Variants in CRYBA4 observed in about 807,000 individuals in gnomAD.
CRYBA4 encodes the protein crystallin beta A4.
CRYBA4 carries 30 observed loss-of-function variants against 31.7 expected under a neutral mutation model. The observed-to-expected ratio is 0.95, with a 90% confidence interval of 0.71 to 1.28. The LOEUF is 1.28. CRYBA4 is among the 50% of genes most tolerant of loss of function. CRYBA4 has a pLI of 0.00. For missense variants in CRYBA4, 225 were observed against 260.7 expected, an observed-to-expected ratio of 0.86 and a Z score of 0.94; for synonymous variants, 102 against 102.3, an observed-to-expected ratio of 1.00 and a Z score of 0.02.
the CRYBA4 span, among the ~76,000 whole-genome samples, chr22:26,607,224 T>C: frequency 6.6e-6 from 1 of 151,872 alleles, no homozygotes; most frequent in Non-Finnish European, 1.5e-5. Flanking sequence ...GGTTTCGTCA[T>C]GTTGATCAGG....
At chr22:26,628,593 A>G (rs909439313) in intron 5 of CRYBA4, among the ~76,000 whole-genome samples, 163 bp downstream of exon 5, 5 of 152,132 alleles carry the variant, frequency 3.3e-5, no homozygotes, top group African/African-American at 1.2e-4. Flanking sequence ...TGAGGGACTG[A>G]AACCCAGATC....
upstream of CRYBA4, among the ~76,000 whole-genome samples, chr22:26,618,504 G>A (rs1194394033): frequency 6.7e-6 from 1 of 148,196 alleles, no homozygotes; most frequent in Non-Finnish European, 1.5e-5. Flanking sequence ...GCACAGAAGC[G>A]TTTTGTAAAG....
intron 4 of CRYBA4, among the ~76,000 whole-genome samples, chr22:26,626,744 AT>A (rs1478580392): frequency 6.6e-6 from 1 of 152,196 alleles, no homozygotes; most frequent in Non-Finnish European, 1.5e-5. Flanking sequence ...ATTTTGGAGC[AT>A]TTTGGATTTC....
chr22:26,625,731 T>C, intron 4 of CRYBA4, 109 bp downstream of exon 4: 1 of 1,098,188 alleles, frequency 9.1e-7, no homozygotes, highest in Non-Finnish European at 1.3e-6. Context: ...TCAAGCTGTG[T>C]GACAAGGGCT....
chr22:26,599,095 G>C, the CRYBA4 span, among the ~76,000 whole-genome samples: 1 of 152,116 alleles, frequency 6.6e-6, no homozygotes, highest in Non-Finnish European at 1.5e-5. Flanking sequence ...AAACCAACCT[G>C]CCTCCTCTGA....
At chr22:26,622,148 C>T (rs1294329253) in intron 1 of CRYBA4, among the ~76,000 whole-genome samples, 162 bp downstream of exon 1, 1 of 152,106 alleles carries the variant, frequency 6.6e-6, no homozygotes, top group Non-Finnish European at 1.5e-5. Context: ...CCAGCACCTG[C>T]TTCCCTCATT....
chr22:26,627,942 C>T (rs958570201), intron 4 of CRYBA4, among the ~76,000 whole-genome samples: 2 of 152,148 alleles, frequency 1.3e-5, no homozygotes, highest in African/African-American at 2.4e-5. Context: ...GCCACCGCGC[C>T]GGGCCTCTAC....
At chr22:26,624,757 T>C (rs1438067970) in intron 3 of CRYBA4, among the ~76,000 whole-genome samples, 1 of 152,202 alleles carries the variant, frequency 6.6e-6, no homozygotes, top group Non-Finnish European at 1.5e-5. Context: ...CCTGTGTCCC[T>C]TGTCCTACTG....
chr22:26,629,289 CT>C (rs1052935023), intron 5 of CRYBA4, among the ~76,000 whole-genome samples: 5 of 144,098 alleles, frequency 3.5e-5, no homozygotes, highest in Non-Finnish European at 7.6e-5. Flanking sequence ...TTTTTTTTTT[CT>C]TTTTTTGGCT....
At chr22:26,622,279 G>A (rs1929554207) in intron 1 of CRYBA4, among the ~76,000 whole-genome samples, 1 of 152,084 alleles carries the variant, frequency 6.6e-6, no homozygotes, top group Non-Finnish European at 1.5e-5. Flanking sequence ...ACTCGCTGGG[G>A]TGATGCACCC....
the CRYBA4 span, among the ~76,000 whole-genome samples, chr22:26,593,019 G>A: frequency 6.6e-6 from 1 of 152,136 alleles, no homozygotes; most frequent in Non-Finnish European, 1.5e-5. Flanking sequence ...CTTGAGGAAG[G>A]CTAATTGCCC....
At chr22:26,615,344 T>G in the CRYBA4 span, among the ~76,000 whole-genome samples, 4 of 152,164 alleles carry the variant, frequency 2.6e-5, no homozygotes, top group Non-Finnish European at 5.9e-5. Context: ...GGTTCCCTGC[T>G]GCTAAGCCAG....
At chr22:26,596,782 A>G in the CRYBA4 span, 6 of 152,232 alleles carry the variant, frequency 3.9e-5, no homozygotes, top group African/African-American at 7.2e-5. Flanking sequence ...CTTTGGAATC[A>G]GAGAATCACA....
At chr22:26,595,219 C>T in the CRYBA4 span, among the ~76,000 whole-genome samples, 17 of 152,230 alleles carry the variant, frequency 1.1e-4, no homozygotes, top group African/African-American at 4.1e-4. Context: ...TTGTTATTTT[C>T]TTCTGGTGTT....
chr22:26,627,486 CCTTT>C (rs1929774894), intron 4 of CRYBA4, among the ~76,000 whole-genome samples: 3 of 33,192 alleles, frequency 9.0e-5, no homozygotes, highest in South Asian at 1.4e-3. Context: ...CTCTTTCTTT[CCTTT>C]TCTTTCTTTC....
the CRYBA4 span, among the ~76,000 whole-genome samples, chr22:26,615,408 G>A: frequency 1.3e-5 from 2 of 152,122 alleles, no homozygotes; most frequent in Admixed American, 6.5e-5. Context: ...CTAAGCATGT[G>A]CGTGTGCAGG....
chr22:26,596,451 T>C, the CRYBA4 span, among the ~76,000 whole-genome samples: 1 of 152,236 alleles, frequency 6.6e-6, no homozygotes, highest in Admixed American at 6.5e-5. Flanking sequence ...GTTTACCTTT[T>C]ATAGGACTTA....
At position 26,627,359 on chromosome 22, in the gene CRYBA4, C is replaced by CCTTTCTTTCTTTCTTT. The variant is rs1245733367; in HGVS notation, c.301-876_301-861dup. Among the ~76,000 whole-genome samples, 27 of 41,858 alleles carry CCTTTCTTTCTTTCTTT rather than the reference C, an allele frequency of 6.5e-4. 1 individual carries two copies. Among genetic ancestry groups the CCTTTCTTTCTTTCTTT allele is most frequent in the Non-Finnish European group, 9.9e-4 (24 of 24,272 alleles). 27.5% of individuals were successfully genotyped at this position (41,858 alleles called of 152,430 possible). A position where few individuals can be genotyped will look rare whatever the true frequency, so the allele number is the denominator to read the frequency against. The stretch of plus-strand genomic sequence containing the variant: ...CCCCTCCCTCCCTCCCTCCCTCCCT[C>CCTTTCTTTCTTTCTTT]CTTTCTTTCTTTCTTTCTTTCTTTC... On this transcript the variant is annotated intron_variant, in intron 4 of 5. Transcript: ENST00000354760.
chr22:26,606,562 G>A, the CRYBA4 span, among the ~76,000 whole-genome samples: 5 of 152,248 alleles, frequency 3.3e-5, no homozygotes, highest in African/African-American at 1.2e-4. Context: ...AACATAGGTT[G>A]GCATATAAGA....
Sources: allele counts gnomAD v4.1 joint callset (sites outside exome capture counted in the v4.1 genomes callset), GRCh38; gene constraint gnomAD v4.1.1; transcripts MANE v1.5; gene names NCBI Gene and HGNC (gene_info 2026-07-23, HGNC 2026-07-21).